Variants in GOLGA8A observed in about 807,000 individuals in gnomAD.
The protein encoded by GOLGA8A is golgin subfamily A member 8A.
A neutral mutation model predicts 22.1 loss-of-function variants in GOLGA8A; 3 were observed. That is an observed-to-expected ratio of 0.14 (90% CI 0.06 to 0.35). The LOEUF (loss-of-function observed/expected upper bound fraction) is 0.35. GOLGA8A is among the 10% of genes least tolerant of loss of function. The pLI is 1.00. For synonymous variants in GOLGA8A, 7 were observed against 91.7 expected, an observed-to-expected ratio of 0.08 and a Z score of 5.28; for missense variants, 16 against 233.2, an observed-to-expected ratio of 0.07 and a Z score of 6.07.
chr15:34,418,675 T>C (rs1284771876), intron 2 of GOLGA8A: 2 of 146,534 alleles, frequency 1.4e-5, no homozygotes, highest in African/African-American at 5.0e-5. Context: ...CACAAACACA[T>C]GGCACATTTG....
intron 2 of GOLGA8A, among the ~76,000 whole-genome samples, chr15:34,428,134 C>G (rs1380070022): frequency 6.9e-6 from 1 of 145,106 alleles, no homozygotes; most frequent in African/African-American, 2.5e-5. Flanking sequence ...CTCACTCTGT[C>G]ACCCAGGGGA....
chr15:34,421,484 G>A (rs576793368), intron 2 of GOLGA8A, among the ~76,000 whole-genome samples: 1 of 139,392 alleles, frequency 7.2e-6, no homozygotes, highest in African/African-American at 2.7e-5. Flanking sequence ...TGACGCACAC[G>A]GGCTGATATT....
rs866922139 is a variant in GOLGA8A, at chr15:34,379,970, T to C, written c.*1441A>G. On this transcript the variant is annotated 3_prime_UTR_variant, in exon 25 of 25. Coordinates refer to ENST00000359187, the MANE Select transcript of GOLGA8A (RefSeq NM_181077.5). ...GAGGAAATACAACTCTGCGATCGTA[T>C]AGACATGTTTCCTGATAATACAGAC... The C allele has an allele frequency of 1.1e-4, 17 of 152,670 alleles. No homozygotes were observed. The highest frequency in any genetic ancestry group is 3.4e-4 in the African/African-American group (14 of 41,474). 9.5% of individuals were successfully genotyped at this position (152,670 alleles called of 1,614,324 possible).
At chr15:34,437,202 G>C (rs1167648661) in intron 1 of GOLGA8A, among the ~76,000 whole-genome samples, 196 bp downstream of exon 1, 1 of 147,072 alleles carries the variant, frequency 6.8e-6, no homozygotes, top group Non-Finnish European at 1.5e-5. Context: ...TCCGAGAGGC[G>C]TAAGGCCGCC....
rs1279617491 is a variant in GOLGA8A, at chr15:34,436,980, A to T, written c.-1212+418T>A. ...CCAAACTCAGTAGTTGCCGCCCGGC[A>T]CGGGGACTTGATGCCGGCGCCAAGC... On this transcript the variant is annotated intron_variant, in intron 1 of 24. Coordinates refer to ENST00000359187, the MANE Select transcript of GOLGA8A (RefSeq NM_181077.5). Among the ~76,000 whole-genome samples, 20 of 149,352 alleles carry T rather than the reference A, an allele frequency of 1.3e-4. 2 individuals are homozygous for T. Among genetic ancestry groups the T allele is most frequent in the Non-Finnish European group, 2.4e-4 (16 of 67,072 alleles).
At chr15:34,427,330 CA>C (rs67775520) in intron 2 of GOLGA8A, among the ~76,000 whole-genome samples, 28,599 of 78,484 alleles carry the variant, frequency 0.36, 3,261 homozygotes, top group East Asian at 0.5. Context: ...GACTCCGTCA[CA>C]AAAAAAAAAA....
At chr15:34,400,599 C>G (rs1420633079) in intron 6 of GOLGA8A, 113 bp downstream of exon 6, 1 of 137,792 alleles carries the variant, frequency 7.3e-6, no homozygotes, top group African/African-American at 2.6e-5. Flanking sequence ...AAGGAAGATA[C>G]CTTCCTAGTT....
chr15:34,431,312 C>CATATATAT (rs1157766795), intron 2 of GOLGA8A, among the ~76,000 whole-genome samples: 1 of 45,752 alleles, frequency 2.2e-5, no homozygotes, highest in African/African-American at 5.9e-5. Flanking sequence ...TATATATATA[C>CATATATAT]ATATATATAT....
rs1487481208 is a variant in GOLGA8A, at chr15:34,437,425, C to G, written c.-1239G>C. ...GGCCAGGGCGCGGGGCTGCCCCGGT[C>G]CGCCGCCGTCCTCGCCGCGCCGCCG... On this transcript the variant is annotated 5_prime_UTR_variant, in exon 1 of 25. Transcript: ENST00000359187. 2.5e-4 allele frequency: 35 copies of G among 140,160 alleles called. No homozygotes were observed. Among genetic ancestry groups the G allele is most frequent in the African/African-American group, 6.2e-4 (24 of 38,458 alleles). 8.7% of individuals were successfully genotyped at this position (140,160 alleles called of 1,614,324 possible).
intron 2 of GOLGA8A, among the ~76,000 whole-genome samples, chr15:34,431,268 C>A (rs1328610138): frequency 7.4e-6 from 1 of 134,372 alleles, no homozygotes; most frequent in Non-Finnish European, 1.6e-5. Flanking sequence ...CCAGGAATGC[C>A]AAACCAACCA....
At chr15:34,426,259 G>A (rs779171989) in intron 2 of GOLGA8A, among the ~76,000 whole-genome samples, 12 of 149,894 alleles carry the variant, frequency 8.0e-5, no homozygotes, top group South Asian at 2.1e-4. Context: ...CGCTGCTTGC[G>A]CAAAGGACAA....
chr15:34,420,357 A>G (rs1473524650), intron 2 of GOLGA8A: 1 of 146,746 alleles, frequency 6.8e-6, no homozygotes, highest in Non-Finnish European at 1.5e-5. Context: ...GCAGGCAGGG[A>G]AGATGGCCCA....
intron 2 of GOLGA8A, chr15:34,415,838 TAGAC>T (rs1428831100): frequency 3.0e-5 from 2 of 66,312 alleles, no homozygotes; most frequent in Admixed American, 1.8e-4. Flanking sequence ...ACTGTGCAGT[TAGAC>T]AGTGTCAGGG....
At chr15:34,434,395 C>G (rs979072609) in intron 2 of GOLGA8A, among the ~76,000 whole-genome samples, 3 of 149,410 alleles carry the variant, frequency 2.0e-5, no homozygotes, top group African/African-American at 4.9e-5. Context: ...CCCACCAGTA[C>G]GCAGGGTTCC....
In GOLGA8A at chr15:34,420,024, G is replaced by A. The variant is rs1172414594; in HGVS notation, c.-1122-12289C>T. Reference sequence around the variant, plus strand: ...GATGAAGAAAGTTCTGGAGATGGATGGTGGTGATGGCTGCACAACACTGTG... The same window carrying A: ...GATGAAGAAAGTTCTGGAGATGGATAGTGGTGATGGCTGCACAACACTGTG... On this transcript the variant is annotated intron_variant, in intron 2 of 24. Transcript: ENST00000359187. 2 of 149,158 alleles carry A rather than the reference G, an allele frequency of 1.3e-5. 1 individual carries two copies. Among genetic ancestry groups the A allele is most frequent in the Non-Finnish European group, 3.0e-5 (2 of 67,560 alleles). 9.2% of individuals were successfully genotyped at this position (149,158 alleles called of 1,614,324 possible).
intron 2 of GOLGA8A, among the ~76,000 whole-genome samples, chr15:34,423,588 G>A (rs996902890): frequency 1.3e-5 from 2 of 148,944 alleles, no homozygotes; most frequent in Admixed American, 1.3e-4. Context: ...GGCAGCTCCT[G>A]CAGGGCGGAC....
chr15:34,431,300 T>G (rs1893224022), intron 2 of GOLGA8A, among the ~76,000 whole-genome samples: 1 of 13,212 alleles, frequency 7.6e-5, no homozygotes, highest in Non-Finnish European at 2.4e-4. Flanking sequence ...ATTATATATA[T>G]ATATATATAT....
At chr15:34,430,046 G>C (rs1893161503) in intron 2 of GOLGA8A, among the ~76,000 whole-genome samples, 1 of 147,420 alleles carries the variant, frequency 6.8e-6, no homozygotes, top group South Asian at 2.3e-4. Context: ...AGTTGGAGAT[G>C]AGGCTGCCTC....
chr15:34,416,817 TAAATAAATAAAA>T (rs1892596560), intron 2 of GOLGA8A: 1 of 62,982 alleles, frequency 1.6e-5, no homozygotes, highest in Non-Finnish European at 2.8e-5. Context: ...AATAAATAAA[TAAATAAATAAAA>T]AAGAAGTTTG....
Sources: allele counts gnomAD v4.1 joint callset (sites outside exome capture counted in the v4.1 genomes callset), GRCh38; gene constraint gnomAD v4.1.1; transcripts MANE v1.5; gene names NCBI Gene and HGNC (gene_info 2026-07-23, HGNC 2026-07-21).